The following PPIL2 variants were observed in gnomAD, a reference collection of about 807,000 sequenced individuals.
PPIL2 encodes RING-type E3 ubiquitin-protein ligase PPIL2.
A neutral mutation model predicts 75.2 loss-of-function variants in PPIL2; 50 were observed. The ratio of observed to expected loss-of-function variants is 0.66; its 90% CI spans 0.53 to 0.84. The LOEUF is 0.84. Among genes scored for constraint, PPIL2 ranks in the 40% least tolerant of loss-of-function variants. The probability of loss-of-function intolerance (pLI) is 0.00; values close to 1 mark genes in which losing one functional copy is unlikely to be tolerated. For synonymous variants in PPIL2, 245 were observed against 258.8 expected, an observed-to-expected ratio of 0.95 and a Z score of 0.51; for missense variants, 590 against 685.0, an observed-to-expected ratio of 0.86 and a Z score of 1.55.
chr22:21,675,501 A>G (rs1601523241), intron 6 of PPIL2, among the ~76,000 whole-genome samples: 1 of 151,782 alleles, frequency 6.6e-6, no homozygotes, highest in Non-Finnish European at 1.5e-5. Flanking sequence ...GTGCCACTGC[A>G]CTCCAGCCTG....
At chr22:21,683,322 TG>T in intron 9 of PPIL2, 65 bp downstream of exon 9, 1 of 1,407,368 alleles carries the variant, frequency 7.1e-7, no homozygotes. Flanking sequence ...CAGTGCTCCC[TG>T]GGTAAAGCCC....
chr22:21,687,780 C>G lies in PPIL2; in HGVS notation c.987+48C>G, dbSNP rs369504529. 2.6e-6 allele frequency: 4 copies of G among 1,562,850 alleles called. No individual in the cohort carries two copies. The African/African-American group carries it at 5.4e-5, about 21-fold the overall frequency. ...TGCACAGATGAGCTTGGTGGGACAT[C>G]GGGGGCTGGGTGGGCTTGTCCCTGC... On this transcript the variant is annotated intron_variant, in intron 13 of 19. Transcript: ENST00000398831.
At chr22:21,669,729 A>G (rs1463656029) in intron 1 of PPIL2, among the ~76,000 whole-genome samples, 184 bp from the exon 2 acceptor site, 1 of 151,818 alleles carries the variant, frequency 6.6e-6, no homozygotes, top group Non-Finnish European at 1.5e-5. Context: ...TAAACTTCTG[A>G]CCTCTAGTGA....
intron 14 of PPIL2, among the ~76,000 whole-genome samples, chr22:21,688,340 G>T (rs2067467789): frequency 6.6e-6 from 1 of 152,138 alleles, no homozygotes; most frequent in Admixed American, 6.5e-5. Context: ...CTCTTCCCTG[G>T]GCCCCTGGGG....
chr22:21,679,752 G>C (rs1404924552), intron 6 of PPIL2, among the ~76,000 whole-genome samples: 1 of 151,218 alleles, frequency 6.6e-6, no homozygotes, highest in South Asian at 2.1e-4. Context: ...TAACTAATTT[G>C]AGGCTCTAAC....
chr22:21,695,075 G>A lies in PPIL2; in HGVS notation c.1466+5G>A, dbSNP rs1173051591. The A allele has an allele frequency of 1.2e-6, 2 of 1,600,282 alleles. No homozygotes were observed. Among genetic ancestry groups the A allele is most frequent in the African/African-American group, 2.7e-5 (2 of 74,882 alleles). On this transcript the variant is annotated splice_donor_5th_base_variant and intron_variant, in intron 19 of 19. Coordinates refer to ENST00000398831, the MANE Select transcript of PPIL2 (RefSeq NM_014337.4). Reference sequence around the variant, plus strand: ...GTACATCAACCCAGCAGCCACGTGAGTGCCGCGGGGCTGGCCTCCCTGTTT... The same window carrying A: ...GTACATCAACCCAGCAGCCACGTGAATGCCGCGGGGCTGGCCTCCCTGTTT...
At chr22:21,680,722 C>T (rs1256008374) in intron 6 of PPIL2, among the ~76,000 whole-genome samples, 1 of 144,276 alleles carries the variant, frequency 6.9e-6, no homozygotes, top group African/African-American at 2.6e-5. Flanking sequence ...CCCAGCTACT[C>T]GGGAGGCTGA....
In PPIL2 at chr22:21,697,365, TC is replaced by T. The variant is rs2067978754; in HGVS notation, c.*1876del. The T allele has an allele frequency of 3.0e-5, 7 of 236,150 alleles. No homozygotes were observed. The South Asian group carries it at 4.3e-4, about 15-fold the overall frequency. The allele number at this position is 236,150 out of a possible 1,614,324, so 14.6% of individuals were successfully genotyped here. ...CCTGGCTGGCCCTGACTGACTGTAT[TC>T]TCTGGCCACATTCAAGTCCCCCATT... On this transcript the variant is annotated 3_prime_UTR_variant, in exon 20 of 20. Coordinates refer to ENST00000398831, the MANE Select transcript of PPIL2 (RefSeq NM_014337.4).
intron 19 of PPIL2, 46 bp from the exon 20 acceptor site, chr22:21,695,348 G>A: frequency 6.4e-7 from 1 of 1,557,426 alleles, no homozygotes; most frequent in South Asian, 1.2e-5. Context: ...AAGTCAGGAG[G>A]GGCTGAGGGA....
At chr22:21,693,050 T>TTTTTTC (rs200486859) in intron 15 of PPIL2, among the ~76,000 whole-genome samples, 3 of 152,038 alleles carry the variant, frequency 2.0e-5, no homozygotes, top group Admixed American at 6.6e-5. Context: ...CCCCATTTCC[T>TTTTTTC]TTTTTCTTTT....
In PPIL2 at chr22:21,695,572, C is replaced by T. The variant is rs920742551; in HGVS notation, c.*82C>T. Reference sequence around the variant, plus strand: ...ACATCTCCATTTCCAGCCTTTCTAGCCTGCCCTCTGCTGCCAGCCAATAAA... The same window carrying T: ...ACATCTCCATTTCCAGCCTTTCTAGTCTGCCCTCTGCTGCCAGCCAATAAA... On this transcript the variant is annotated 3_prime_UTR_variant, in exon 20 of 20. Coordinates refer to ENST00000398831, the MANE Select transcript of PPIL2 (RefSeq NM_014337.4). 37 of 1,540,198 alleles carry T rather than the reference C, an allele frequency of 2.4e-5. 1 individual carries two copies. Among genetic ancestry groups the T allele is most frequent in the Admixed American group, 1.6e-4 (8 of 50,200 alleles).
At position 21,686,508 on chromosome 22, in the gene PPIL2, G is replaced by C. The variant is rs757785540; in HGVS notation, c.740G>C (p.Ser247Thr). The stretch of plus-strand genomic sequence containing the variant: ...GCCCACTATTCCACAGGGAAGGTCA[G>C]CGCTTCCTTCACCTCCACCGCGATG... ...NAAHYSTGKV[S>T]ASFTSTAMVP... The change falls in exon 11 of 20, where the codon AGC (serine) becomes ACC (threonine). Residue 247 changes from serine (S) to threonine (T), a missense_variant. Physicochemically the swap from Ser to Thr is moderately conservative, Grantham distance 58. Coordinates refer to ENST00000398831, the MANE Select transcript of PPIL2 (RefSeq NM_014337.4). The C allele has an allele frequency of 6.2e-7, 1 of 1,614,182 alleles. No homozygotes were observed.
intron 10 of PPIL2, 109 bp downstream of exon 10, chr22:21,685,022 G>A: frequency 7.1e-7 from 1 of 1,407,804 alleles, no homozygotes; most frequent in Non-Finnish European, 9.5e-7. Flanking sequence ...GGGATACACG[G>A]CAGGGAGGCA....
At chr22:21,685,951 C>T (rs1171036990) in intron 10 of PPIL2, among the ~76,000 whole-genome samples, 3 of 151,886 alleles carry the variant, frequency 2.0e-5, no homozygotes, top group African/African-American at 7.3e-5. Context: ...AGGAGGATTG[C>T]TTGAGGCCAG....
chr22:21,696,660 C>A lies in PPIL2; in HGVS notation c.*1170C>A. The A allele has an allele frequency of 6.5e-7, 1 of 1,527,372 alleles. No homozygotes were observed. Among genetic ancestry groups the A allele is most frequent in the South Asian group, 1.2e-5 (1 of 82,190 alleles). The allele number at this position is 1,527,372 out of a possible 1,614,324, so 94.6% of individuals were successfully genotyped here. On this transcript the variant is annotated 3_prime_UTR_variant, in exon 20 of 20. Transcript: ENST00000398831. ...CTCCCTGTTGCCCTCAGGCCACCCC[C>A]CACTTCTAGTTCTTCACACTAAGCC...
downstream of PPIL2, chr22:21,698,224 A>C (rs1342867742): frequency 1.4e-5 from 1 of 73,360 alleles, no homozygotes; most frequent in East Asian, 5.6e-4. Flanking sequence ...GAAGCCCAAC[A>C]AAAAAAAAGT....
intron 10 of PPIL2, among the ~76,000 whole-genome samples, 171 bp from the exon 11 acceptor site, chr22:21,686,312 C>T (rs768179591): frequency 2.6e-4 from 40 of 152,304 alleles, no homozygotes; most frequent in Non-Finnish European, 5.1e-4. Context: ...CTGGCTTGGC[C>T]TAGCCTTGGC....
intron 15 of PPIL2, 128 bp from the exon 16 acceptor site, chr22:21,693,688 C>A: frequency 1.1e-6 from 1 of 947,730 alleles, no homozygotes; most frequent in Non-Finnish European, 1.7e-6. Context: ...CACGTGCACA[C>A]ATGCGTCCGT....
Position 21,682,501 on chromosome 22 carries a change from C to A in PPIL2, c.452C>A (p.Ser151Tyr), listed in dbSNP as rs2067169890. Residue 151 changes from serine to tyrosine, a missense_variant, in exon 8 of 20, where the codon TCC (serine) becomes TAC (tyrosine). By Grantham distance (144) the Ser-to-Tyr change is moderately radical. Transcript: ENST00000398831. ...GACCTGCTGACCGACGAGCCCTTCTCCCGGCAGGACATCATCACCCTCCAG... is the reference window on the plus strand; with the variant it reads ...GACCTGCTGACCGACGAGCCCTTCTACCGGCAGGACATCATCACCCTCCAG... ...FRDLLTDEPF[S>Y]RQDIITLQDP... The A allele has an allele frequency of 6.2e-7, 1 of 1,600,046 alleles. No individual in the cohort carries two copies. Among genetic ancestry groups the A allele is most frequent in the Admixed American group, 1.7e-5 (1 of 58,632 alleles).
Sources: allele counts gnomAD v4.1 joint callset (sites outside exome capture counted in the v4.1 genomes callset), GRCh38; gene constraint gnomAD v4.1.1; transcripts MANE v1.5; gene names NCBI Gene and HGNC (gene_info 2026-07-23, HGNC 2026-07-21).